The following NHSL2 variants were observed in gnomAD, a reference collection of about 807,000 sequenced individuals.
NHSL2 encodes NHS-like protein 2.
In NHSL2, 27 loss-of-function variants were observed where a neutral mutation model predicts 53.4. The observed-to-expected ratio is 0.51, with a 90% CI of 0.37 to 0.70. NHSL2 has a LOEUF of 0.70. Ranked by LOEUF, NHSL2 falls within the 30% of genes least tolerant of loss-of-function variation. The probability of loss-of-function intolerance (pLI) is 0.00; values close to 1 mark genes in which losing one functional copy is unlikely to be tolerated. For missense variants in NHSL2, 892 were observed against 980.1 expected (o/e 0.91, Z 1.20); for synonymous variants, 408 against 404.1 (o/e 1.01, Z -0.12).
intron 1 of NHSL2, among the ~76,000 whole-genome samples, chrX:72,022,040 G>A (rs755687882): frequency 7.2e-5 from 8 of 111,322 alleles, no homozygotes; most frequent in Non-Finnish European, 1.3e-4. Flanking sequence ...ATATTTTCTC[G>A]ACCTCAAACA....
chrX:72,037,284 TTGG>T (rs1162250175), intron 1 of NHSL2, among the ~76,000 whole-genome samples: 2 of 100,547 alleles, frequency 2.0e-5, no homozygotes, highest in East Asian at 3.1e-4. Flanking sequence ...TAGCCAGGCC[TTGG>T]TGGTGGGCGC....
chrX:72,002,854 T>C (rs761290968), intron 1 of NHSL2, among the ~76,000 whole-genome samples: 11 of 111,549 alleles, frequency 9.9e-5, no homozygotes, highest in Admixed American at 2.8e-4. Context: ...GCACTTATTT[T>C]TGGACTATCA....
chrX:71,986,279 T>C (rs1056498233), intron 1 of NHSL2, among the ~76,000 whole-genome samples: 3 of 111,971 alleles, frequency 2.7e-5, no homozygotes, highest in Admixed American at 9.5e-5. Context: ...GGAAAGCTTA[T>C]CAAATATTAA....
In NHSL2 at chrX:72,144,088, G is replaced by A. The variant is rs1347708461; in HGVS notation, c.*514G>A. 1 of 123,835 alleles carries A rather than the reference G, an allele frequency of 8.1e-6. No individual in the cohort carries two copies. Among genetic ancestry groups the A allele is most frequent in the Non-Finnish European group, 1.6e-5 (1 of 60,969 alleles). 10.2% of individuals were successfully genotyped at this position (123,835 alleles called of 1,213,427 possible). On this transcript the variant is annotated 3_prime_UTR_variant, in exon 8 of 8. Transcript: ENST00000633930. Reference sequence around the variant, plus strand: ...CTCAACCACAGTTTAGCTTTCCCCTGCGCTCACAAGAGGTTTGCAGGGTGC... The same window carrying A: ...CTCAACCACAGTTTAGCTTTCCCCTACGCTCACAAGAGGTTTGCAGGGTGC...
At chrX:72,078,535 C>T (rs769370471) in intron 1 of NHSL2, among the ~76,000 whole-genome samples, 12 of 111,765 alleles carry the variant, frequency 1.1e-4, no homozygotes, top group South Asian at 3.8e-4. Context: ...CCTCCAGCTA[C>T]GGCCCTCTTT....
rs1236797030 is a variant in NHSL2, at chrX:72,139,268, A to T, written c.1720A>T (p.Ser574Cys). 2 of 1,199,156 alleles carry T rather than the reference A, an allele frequency of 1.7e-6. No individual in the cohort carries two copies. Among genetic ancestry groups the T allele is most frequent in the Non-Finnish European group, 2.2e-6 (2 of 888,931 alleles). Residue 574 changes from serine to cysteine, a missense_variant, in exon 6 of 8, where the codon AGT becomes TGT. Coordinates refer to ENST00000633930, the MANE Select transcript of NHSL2 (RefSeq NM_001013627.3). The part of the protein sequence containing the change: ...AKKKPSPPTR[S>C]VSLVKDEPGL... The stretch of plus-strand genomic sequence containing the variant: ...AAAGAAGCCTTCCCCACCCACACGC[A>T]GTGTCTCACTGGTCAAAGATGAGCC...
chrX:72,083,575 C>A (rs1269090700), intron 1 of NHSL2, among the ~76,000 whole-genome samples: 1 of 112,214 alleles, frequency 8.9e-6, no homozygotes, highest in African/African-American at 3.2e-5. Context: ...TTACTCTCTT[C>A]TGTTCTCATT....
At chrX:72,107,785 C>A (rs1488774852) in intron 1 of NHSL2, among the ~76,000 whole-genome samples, 5 of 111,688 alleles carry the variant, frequency 4.5e-5, no homozygotes, top group Admixed American at 9.5e-5. Context: ...CATTCTAGAG[C>A]AAAGGAACAA....
chrX:72,137,204 A>G lies in NHSL2; in HGVS notation c.871A>G (p.Asn291Asp), dbSNP rs1375792641. The G allele has an allele frequency of 4.3e-6, 5 of 1,164,756 alleles. No homozygotes were observed. The highest frequency in any genetic ancestry group is 1.9e-5 in the South Asian group (1 of 52,414). Reference sequence around the variant, plus strand: ...GAGGCGGACCATTATTGGATTCTCTAACTTTTCCCAGCGAGACCAAGGTGA... The same window carrying G: ...GAGGCGGACCATTATTGGATTCTCTGACTTTTCCCAGCGAGACCAAGGTGA... ...RRRRTIIGFS[N>D]FSQRDQGHSN... The change falls in exon 5 of 8, where the codon AAC becomes GAC. Residue 291 changes from asparagine to aspartate, a missense_variant. Transcript: ENST00000633930.
chrX:72,055,219 C>G (rs1052233016), intron 1 of NHSL2, among the ~76,000 whole-genome samples: 2 of 112,114 alleles, frequency 1.8e-5, no homozygotes, highest in African/African-American at 6.5e-5. Context: ...CATCTAAACA[C>G]TCAGACTTGA....
At chrX:72,090,358 C>G (rs1231745296) in intron 1 of NHSL2, among the ~76,000 whole-genome samples, 1 of 111,705 alleles carries the variant, frequency 9.0e-6, no homozygotes, top group Non-Finnish European at 1.9e-5. Context: ...AGCCACCGTG[C>G]CCGGCCGTAT....
chrX:72,079,927 C>T (rs1003457299), intron 1 of NHSL2: 6 of 112,869 alleles, frequency 5.3e-5, no homozygotes, highest in Admixed American at 9.3e-5. Flanking sequence ...GCCGACGGGT[C>T]CAGGGTGGCT....
intron 1 of NHSL2, chrX:72,129,845 G>C: frequency 8.4e-7 from 1 of 1,191,582 alleles, no homozygotes; most frequent in Non-Finnish European, 1.1e-6. Context: ...ACTCGAATTC[G>C]GCCACGAGCA....
intron 1 of NHSL2, among the ~76,000 whole-genome samples, chrX:71,989,313 C>T (rs2042016668): frequency 1.0e-5 from 1 of 96,987 alleles, no homozygotes; most frequent in African/African-American, 4.0e-5. Flanking sequence ...CGCTCCACTG[C>T]ACTCCAGCCT....
intron 1 of NHSL2, among the ~76,000 whole-genome samples, chrX:72,123,438 C>T (rs976442862): frequency 1.2e-4 from 13 of 111,624 alleles, no homozygotes; most frequent in Non-Finnish European, 7.5e-5. Context: ...GCCCACGGCC[C>T]CCACCCCCAG....
At chrX:72,028,031 A>G (rs1431621476) in intron 1 of NHSL2, among the ~76,000 whole-genome samples, 3 of 111,289 alleles carry the variant, frequency 2.7e-5, no homozygotes, top group Non-Finnish European at 5.7e-5. Flanking sequence ...CTGCTAGAGG[A>G]ATGGAGGCCA....
chrX:71,974,306 G>A (rs1434326534), intron 1 of NHSL2, among the ~76,000 whole-genome samples: 1 of 111,381 alleles, frequency 9.0e-6, no homozygotes, highest in Non-Finnish European at 1.9e-5. Flanking sequence ...TTATTCAGGA[G>A]GAAAGAAAGC....
At chrX:72,131,514 G>A in intron 1 of NHSL2, 1 of 1,193,852 alleles carries the variant, frequency 8.4e-7, no homozygotes, top group Non-Finnish European at 1.1e-6. Context: ...TGCGGAGGCT[G>A]TTGAGATTTC....
intron 1 of NHSL2, among the ~76,000 whole-genome samples, chrX:72,016,288 C>T (rs2042135611): frequency 1.8e-5 from 2 of 111,926 alleles, no homozygotes; most frequent in Non-Finnish European, 3.8e-5. Flanking sequence ...TATTTAACAC[C>T]TTTACATGAG....
Sources: allele counts gnomAD v4.1 joint callset (sites outside exome capture counted in the v4.1 genomes callset), GRCh38; gene constraint gnomAD v4.1.1; transcripts MANE v1.5; gene names NCBI Gene and HGNC (gene_info 2026-07-23, HGNC 2026-07-21).